USP35: variants seen among roughly 807,000 people sequenced by gnomAD.
USP35 encodes ubiquitin carboxyl-terminal hydrolase 35.
USP35 carries 69 observed loss-of-function variants against 83.8 expected under a neutral mutation model. The ratio of observed to expected loss-of-function variants is 0.82; its 90% CI spans 0.68 to 1.01. USP35 has a LOEUF of 1.01. Ranked by LOEUF, USP35 falls within the 50% of genes least tolerant of loss-of-function variation. The pLI, the probability that USP35 is intolerant of heterozygous loss-of-function variation, is 0.00. For missense variants in USP35, 1,503 were observed against 1,362.5 expected, an observed-to-expected ratio of 1.10 and a Z score of -1.62; for synonymous variants, 714 against 589.5, an observed-to-expected ratio of 1.21 and a Z score of -3.06.
Position 78,196,788 on chromosome 11 carries a change from C to T in USP35, c.543C>T (p.Gly181=). The T allele has an allele frequency of 6.5e-7, 1 of 1,533,942 alleles. No homozygotes were observed. The highest frequency in any genetic ancestry group is 8.7e-7 in the Non-Finnish European group (1 of 1,145,828). The change falls in exon 2 of 11, where the codon GGC becomes GGT. Residue 181 remains glycine (G), a synonymous_variant. Transcript: ENST00000529308. The surrounding 1 kb of genome is among the most constrained non-coding windows in gnomAD (Gnocchi z 4.8). The part of the protein sequence containing the change: ...CLGRFRCPAE[G]EEGAVEFLEQ... The stretch of plus-strand genomic sequence containing the variant: ...GCCGCTTCCGCTGCCCAGCCGAAGG[C>T]GAGGAGGGCGCCGTGGAGTTCCTAG...
At chr11:78,222,343 T>C in the USP35 span, 2 of 626,236 alleles carry the variant, frequency 3.2e-6, no homozygotes, top group Non-Finnish European at 5.9e-6. Context: ...CGAGGTTGTA[T>C]AATCTTTGCC....
At chr11:78,194,741 G>A (rs1282090234) in intron 1 of USP35, among the ~76,000 whole-genome samples, 1 of 152,144 alleles carries the variant, frequency 6.6e-6, no homozygotes, top group Non-Finnish European at 1.5e-5. Flanking sequence ...GACTCACACT[G>A]CACCCTGCAT....
intron 3 of USP35, among the ~76,000 whole-genome samples, chr11:78,198,278 A>G (rs1000613889): frequency 2.0e-5 from 3 of 152,266 alleles, no homozygotes; most frequent in South Asian, 4.2e-4. Flanking sequence ...TGCCCTAGTG[A>G]TGCTGTCAGG....
At chr11:78,212,120 G>T (rs1863806161) in intron 10 of USP35, among the ~76,000 whole-genome samples, 1 of 151,920 alleles carries the variant, frequency 6.6e-6, no homozygotes, top group Non-Finnish European at 1.5e-5. Flanking sequence ...TTTTGTATAA[G>T]GTATAAGGAG....
chr11:78,234,269 G>A, the USP35 span, among the ~76,000 whole-genome samples: 1 of 152,104 alleles, frequency 6.6e-6, no homozygotes, highest in Non-Finnish European at 1.5e-5. Context: ...TTTCTGTAGA[G>A]ACTGGGTTTT....
the USP35 span, among the ~76,000 whole-genome samples, chr11:78,237,185 T>C: frequency 1.3e-5 from 2 of 152,228 alleles, no homozygotes; most frequent in Non-Finnish European, 2.9e-5. Flanking sequence ...TCTAGGTATT[T>C]GTCCAAGAGA....
intron 8 of USP35, among the ~76,000 whole-genome samples, chr11:78,207,928 C>T (rs951821930): frequency 6.6e-6 from 1 of 152,186 alleles, no homozygotes; most frequent in African/African-American, 2.4e-5. Flanking sequence ...ATACTCGAGG[C>T]TTGGTGATTT....
At position 78,213,693 on chromosome 11, in the gene USP35, C is replaced by G. The variant is rs372488948; in HGVS notation, c.2937C>G (p.Leu979=). ...ARSRAAYISA[L]PTSPHWGRGF... is the part of the protein sequence containing the mutation. ...GCAGGGCGGCCTACATCTCTGCACT[C>G]CCCACATCTCCGCACTGGGGGAGGG... Residue 979 remains leucine (L), a synonymous_variant, in exon 11 of 11, where the codon CTC becomes CTG. Transcript: ENST00000529308. 1 of 1,526,940 alleles carries G rather than the reference C, an allele frequency of 6.5e-7. No individual in the cohort carries two copies. Among genetic ancestry groups the G allele is most frequent in the Admixed American group, 2.5e-5 (1 of 40,120 alleles). 94.6% of individuals were successfully genotyped at this position (1,526,940 alleles called of 1,614,324 possible).
chr11:78,198,150 C>G (rs1443762146), intron 3 of USP35, 82 bp downstream of exon 3: 3 of 1,584,704 alleles, frequency 1.9e-6, no homozygotes, highest in Non-Finnish European at 2.6e-6. Context: ...CTGGGTGGGC[C>G]GCTGGGCTAG....
At chr11:78,197,824 T>C in intron 2 of USP35, 112 bp from the exon 3 acceptor site, 2 of 1,437,252 alleles carry the variant, frequency 1.4e-6, no homozygotes, top group Non-Finnish European at 1.8e-6. Context: ...TGGCCTCTGC[T>C]GTGCTCTTCC....
At chr11:78,221,502 T>A in the USP35 span, among the ~76,000 whole-genome samples, 1 of 152,114 alleles carries the variant, frequency 6.6e-6, no homozygotes, top group African/African-American at 2.4e-5. Flanking sequence ...TGATGACAAC[T>A]CCTACTGCTT....
downstream of USP35, chr11:78,215,421 TCCCA>T (rs1393363435): frequency 6.6e-6 from 1 of 152,484 alleles, no homozygotes; most frequent in Non-Finnish European, 1.5e-5. Flanking sequence ...CACACTCCTG[TCCCA>T]CCCACCGGAT....
rs369004097 is a variant in USP35, at chr11:78,210,135, C to G, written c.2280C>G (p.Ser760=). The G allele has an allele frequency of 5.0e-6, 8 of 1,613,054 alleles. No individual in the cohort carries two copies. Among genetic ancestry groups the G allele is most frequent in the Admixed American group, 3.3e-5 (2 of 59,860 alleles). Residue 760 remains serine, a synonymous_variant, in exon 10 of 11, where the codon TCC becomes TCG. Coordinates refer to ENST00000529308, the MANE Select transcript of USP35 (RefSeq NM_020798.4). ...CATGTGGCTCTGAGGGCTCCCGCTC[C>G]GTCCTGGACCTGGTTAACTACTTCC... ...ERTCGSEGSR[S]VLDLVNYFLS... is the part of the protein sequence containing the mutation.
the USP35 span, chr11:78,222,031 A>C: frequency 1.0e-6 from 1 of 962,514 alleles, no homozygotes; most frequent in Non-Finnish European, 1.7e-6. Context: ...CCCGGCCCAC[A>C]GGCCAGCTAC....
At position 78,192,004 on chromosome 11, in the gene USP35, C is replaced by T. The variant is rs189522669; in HGVS notation, c.-11+2847C>T. Among the ~76,000 whole-genome samples the T allele has an allele frequency of 5.1e-3, 775 of 152,114 alleles. 5 individuals are homozygous for T. The highest frequency in any genetic ancestry group is 0.017 in the African/African-American group (709 of 41,494). On this transcript the variant is annotated intron_variant, in intron 1 of 10. Transcript: ENST00000529308. ...GACTACAGGTGCCCGCCACCACGCC[C>T]GGCTAATTTTTTGTATTTTTAGTAG...
rs1331446184 is a variant in USP35, at chr11:78,198,087, G to A, written c.806+19G>A. 1 of 1,613,960 alleles carries A rather than the reference G, an allele frequency of 6.2e-7. No homozygotes were observed. The highest frequency in any genetic ancestry group is 2.2e-5 in the East Asian group (1 of 44,892). On this transcript the variant is annotated intron_variant, in intron 3 of 10. Transcript: ENST00000529308. ...TTAGCAGGTGGGACGCTGAGGCTGA[G>A]CCATGATCAGGGCTGGGGCCCCTCC...
In USP35 at chr11:78,210,723, A is replaced by G. The variant is rs1331569626; in HGVS notation, c.2868A>G (p.Lys956=). 9.6e-6 allele frequency: 15 copies of G among 1,566,744 alleles called. 1 individual carries two copies. In the South Asian group the frequency reaches 1.7e-4, roughly 18 times the overall value. Residue 956 remains lysine, a synonymous_variant, in exon 10 of 11, where the codon AAA becomes AAG. Coordinates refer to ENST00000529308, the MANE Select transcript of USP35 (RefSeq NM_020798.4). ...LHKDLMEAIS[K]DNILYLQEQE... ...AGGACTTGATGGAAGCCATTTCCAA[A>G]GACAACATCCTTTACCTACAGGTGA...
chr11:78,207,385 C>G, intron 7 of USP35, 145 bp from the exon 8 acceptor site: 1 of 728,260 alleles, frequency 1.4e-6, no homozygotes, highest in Non-Finnish European at 2.3e-6. Flanking sequence ...TCCTCCTCCC[C>G]AGCCCCTGGC....
rs887620757 is a variant in USP35, at chr11:78,200,562, G to A, written c.1039-88G>A. 3 of 1,517,254 alleles carry A rather than the reference G, an allele frequency of 2.0e-6. No individual in the cohort carries two copies. In the African/African-American group the frequency reaches 4.2e-5, roughly 21 times the overall value. 94.0% of individuals were successfully genotyped at this position (1,517,254 alleles called of 1,614,324 possible). ...GGTGGGCAAGCCTCCCTACCTCAGA[G>A]AGTGTTGCGTGCTGTCAGCAGGGAC... On this transcript the variant is annotated intron_variant, in intron 5 of 10. Transcript: ENST00000529308.
Sources: allele counts gnomAD v4.1 joint callset (sites outside exome capture counted in the v4.1 genomes callset), GRCh38; gene constraint gnomAD v4.1.1; non-coding constraint Gnocchi (gnomAD v3.1); transcripts MANE v1.5; gene names NCBI Gene and HGNC (gene_info 2026-07-23, HGNC 2026-07-21).